Variants in RIT2 observed in about 807,000 individuals in gnomAD.
The protein encoded by RIT2 is Ras like without CAAX 2.
A neutral mutation model predicts 23.7 loss-of-function variants in RIT2; 24 were observed. The observed-to-expected ratio is 1.01, with a 90% CI of 0.73 to 1.43. The LOEUF (loss-of-function observed/expected upper bound fraction) is 1.43. Among genes scored for constraint, RIT2 ranks in the 40% most tolerant of loss-of-function variants. The probability of loss-of-function intolerance (pLI) is 0.00; values close to 1 mark genes in which losing one functional copy is unlikely to be tolerated. For missense variants in RIT2, 236 were observed against 266.9 expected, an observed-to-expected ratio of 0.88 and a Z score of 0.81; for synonymous variants, 107 against 91.1, an observed-to-expected ratio of 1.17 and a Z score of -0.99.
intron 4 of RIT2, among the ~76,000 whole-genome samples, chr18:42,757,684 G>A (rs761862942): frequency 6.6e-6 from 1 of 152,124 alleles, no homozygotes; most frequent in Non-Finnish European, 1.5e-5. Context: ...TCTTAGCAGA[G>A]TCATCACTGC....
intron 4 of RIT2, among the ~76,000 whole-genome samples, chr18:42,744,303 CTG>C (rs1171931139): frequency 6.6e-6 from 1 of 152,170 alleles, no homozygotes; most frequent in Non-Finnish European, 1.5e-5. Flanking sequence ...GCACATGAAA[CTG>C]TGGACCTCAG....
At chr18:43,087,378 C>T (rs191431502) in intron 1 of RIT2, among the ~76,000 whole-genome samples, 3 of 152,208 alleles carry the variant, frequency 2.0e-5, no homozygotes, top group East Asian at 3.9e-4. Context: ...CTAACAGGCA[C>T]TATTTTGAGC....
rs558999162 is a variant in RIT2 at position 42,952,097 on chromosome 18, G to T, written c.234+21977C>A. On this transcript the variant is annotated intron_variant, in intron 3 of 4. Transcript: ENST00000326695. ...CCCATGATTCAATTACCTCCTACTGGGTCCCTCCCATGTTACATGGGTATT... is the reference window on the plus strand; with the variant it reads ...CCCATGATTCAATTACCTCCTACTGTGTCCCTCCCATGTTACATGGGTATT... Among the ~76,000 whole-genome samples, 149 of 152,106 alleles carry T rather than the reference G, an allele frequency of 9.8e-4. 2 individuals carry two copies. The highest frequency in any genetic ancestry group is 5.6e-3 in the South Asian group (27 of 4,818).
chr18:42,880,385 A>G (rs1168600137), intron 4 of RIT2, among the ~76,000 whole-genome samples: 1 of 152,038 alleles, frequency 6.6e-6, no homozygotes, highest in African/African-American at 2.4e-5. Context: ...AAATCCCCTT[A>G]CTATTGCTTT....
chr18:42,789,481 T>C (rs1913993973), intron 4 of RIT2, among the ~76,000 whole-genome samples: 1 of 152,222 alleles, frequency 6.6e-6, no homozygotes, highest in African/African-American at 2.4e-5. Context: ...AGTTTCTTCA[T>C]TTGTTTGTGT....
At chr18:42,827,886 T>A (rs567141565) in intron 4 of RIT2, among the ~76,000 whole-genome samples, 14 of 150,850 alleles carry the variant, frequency 9.3e-5, no homozygotes, top group Admixed American at 4.0e-4. Flanking sequence ...GCGCCTGTAG[T>A]CCCAGCTACT....
At chr18:43,012,048 G>A (rs984789819) in intron 2 of RIT2, among the ~76,000 whole-genome samples, 8 of 151,636 alleles carry the variant, frequency 5.3e-5, no homozygotes, top group Non-Finnish European at 1.2e-4. Flanking sequence ...CACGTCCAAC[G>A]AATTCTGTAA....
chr18:43,010,946 G>T (rs372083003), intron 2 of RIT2, among the ~76,000 whole-genome samples: 132 of 151,810 alleles, frequency 8.7e-4, no homozygotes, highest in African/African-American at 3.1e-3. Context: ...TAAAGACATG[G>T]GACCTAAATA....
At chr18:42,871,441 A>T (rs994145922) in intron 4 of RIT2, among the ~76,000 whole-genome samples, 3 of 152,190 alleles carry the variant, frequency 2.0e-5, no homozygotes, top group African/African-American at 7.2e-5. Flanking sequence ...AATTAAACAC[A>T]TTTTATATTT....
At chr18:42,839,696 T>C (rs1906711599) in intron 4 of RIT2, among the ~76,000 whole-genome samples, 1 of 152,178 alleles carries the variant, frequency 6.6e-6, no homozygotes, top group South Asian at 2.1e-4. Context: ...GTACTTAATA[T>C]TACTGTGGCC....
intron 4 of RIT2, among the ~76,000 whole-genome samples, chr18:42,914,710 C>A (rs533125733): frequency 3.0e-4 from 46 of 151,978 alleles, no homozygotes; most frequent in African/African-American, 1.1e-3. Context: ...GGTGGTTAAG[C>A]AGGCTACACA....
chr18:43,012,869 T>C (rs182632327), intron 2 of RIT2, among the ~76,000 whole-genome samples: 2 of 151,672 alleles, frequency 1.3e-5, no homozygotes, highest in Non-Finnish European at 3.0e-5. Context: ...AACAGAAAAT[T>C]TGGGGGAAAA....
At chr18:43,028,420 G>T (rs1185555251) in intron 2 of RIT2, among the ~76,000 whole-genome samples, 2 of 152,042 alleles carry the variant, frequency 1.3e-5, no homozygotes, top group Admixed American at 1.3e-4. Context: ...AGTCCAGTGT[G>T]GTTGGTGCAT....
rs144234380 is a variant in RIT2 at position 43,070,911 on chromosome 18, G to A, written c.104-37044C>T. Among the ~76,000 whole-genome samples, 279 of 152,232 alleles carry A rather than the reference G, an allele frequency of 1.8e-3. 1 individual carries two copies. Among genetic ancestry groups the A allele is most frequent in the Middle Eastern group, 6.8e-3 (2 of 294 alleles). ...TCAGTTTATTTTCTGTATACAGCCA[G>A]TTTTATCATCCCTTAGACCTTGTAA... On this transcript the variant is annotated intron_variant, in intron 1 of 4. Coordinates refer to ENST00000326695, the MANE Select transcript of RIT2 (RefSeq NM_002930.4).
rs150050869 is a variant in RIT2, at chr18:42,835,671, G to A, written c.426+87901C>T. On this transcript the variant is annotated intron_variant, in intron 4 of 4. Transcript: ENST00000326695. ...TTTCAATGTAAAGAAATTAATGCAT[G>A]TGAAGGCAGGAATCAGTTTTAGATA... Among the ~76,000 whole-genome samples, 44 of 152,192 alleles carry A rather than the reference G, an allele frequency of 2.9e-4. No individual in the cohort carries two copies. The East Asian group carries it at 8.3e-3, about 29-fold the overall frequency.
intron 4 of RIT2, among the ~76,000 whole-genome samples, chr18:42,851,607 T>G (rs2144036691): frequency 6.6e-6 from 1 of 152,298 alleles, no homozygotes; most frequent in Admixed American, 6.5e-5. Context: ...ATCCCAGGAC[T>G]TTGGGAGGTC....
chr18:43,110,240 C>CAT (rs56074528), intron 1 of RIT2, among the ~76,000 whole-genome samples: 25,839 of 150,646 alleles, frequency 0.17, 2,382 homozygotes, highest in East Asian at 0.37. Context: ...TCCTTAACTC[C>CAT]ATATATATAT....
At chr18:43,094,518 A>G (rs1913504794) in intron 1 of RIT2, among the ~76,000 whole-genome samples, 2 of 152,048 alleles carry the variant, frequency 1.3e-5, no homozygotes, top group Admixed American at 6.6e-5. Flanking sequence ...TTTATGATAC[A>G]GAAAATGGCA....
intron 2 of RIT2, among the ~76,000 whole-genome samples, chr18:43,009,239 C>CT (rs1187434787): frequency 6.6e-6 from 1 of 151,406 alleles, no homozygotes; most frequent in Non-Finnish European, 1.5e-5. Context: ...CAGTCACAAA[C>CT]TTTTTTTTAA....
Sources: allele counts gnomAD v4.1 joint callset (sites outside exome capture counted in the v4.1 genomes callset), GRCh38; gene constraint gnomAD v4.1.1; transcripts MANE v1.5; gene names NCBI Gene and HGNC (gene_info 2026-07-23, HGNC 2026-07-21).